The following AKAP13 variants were observed in gnomAD, a reference collection of about 807,000 sequenced individuals.
The protein encoded by AKAP13 is A-kinase anchoring protein 13, also known as A-kinase anchor protein 13.
AKAP13 carries 80 observed loss-of-function variants against 264.5 expected under a neutral mutation model. That is an observed-to-expected ratio of 0.30 (90% CI 0.25 to 0.36). The LOEUF is 0.36. AKAP13 is among the 10% of genes least tolerant of loss of function. The pLI is 1.00. For synonymous variants in AKAP13, 1,380 were observed against 1,250.2 expected, an observed-to-expected ratio of 1.10 and a Z score of -2.19; for missense variants, 3,712 against 3,435.2, an observed-to-expected ratio of 1.08 and a Z score of -2.01.
rs1191337013 is a variant in AKAP13, at chr15:85,748,664, G to C, written c.*3987G>C. The C allele has an allele frequency of 6.6e-6, 1 of 152,020 alleles. No homozygotes were observed. Among genetic ancestry groups the C allele is most frequent in the African/African-American group, 2.4e-5 (1 of 41,368 alleles). 9.4% of individuals were successfully genotyped at this position (152,020 alleles called of 1,614,324 possible). On this transcript the variant is annotated 3_prime_UTR_variant, in exon 37 of 37. Coordinates refer to ENST00000394518, the MANE Select transcript of AKAP13 (RefSeq NM_007200.5). ...ATAAAAGGGAGGCGGGGGGGAGGAA[G>C]GGAAAATAAAGGCATCTTTCCAAGT...
At chr15:85,433,857 C>G (rs1023365139) in intron 1 of AKAP13, among the ~76,000 whole-genome samples, 1 of 151,998 alleles carries the variant, frequency 6.6e-6, no homozygotes, top group African/African-American at 2.4e-5. Flanking sequence ...AGGAGAATCA[C>G]TTGAACCCGG....
Position 85,384,146 on chromosome 15 carries a change from T to A in AKAP13, c.-12+3348T>A, listed in dbSNP as rs576888339. ...GATTATAGTAAACCTTTAAAAATTA[T>A]ATTTGATCAAACTTACAGATTGAGG... is the stretch of plus-strand genomic sequence containing the variant. On this transcript the variant is annotated intron_variant, in intron 1 of 36. Transcript: ENST00000394518. Among the ~76,000 whole-genome samples, 4 of 152,362 alleles carry A rather than the reference T, an allele frequency of 2.6e-5. No individual in the cohort carries two copies. In the South Asian group the frequency reaches 8.3e-4, roughly 32 times the overall value.
Position 85,718,851 on chromosome 15 carries a change from G to A in AKAP13, c.6002-225G>A. ...GGAGGTTGAGGCTGCAATGAGCCAT[G>A]ACTTCAGCCTGCACTTCAGCCTGGG... On this transcript the variant is annotated intron_variant, in intron 22 of 36. Transcript: ENST00000394518. The surrounding 1 kb of genome is among the most constrained non-coding windows in gnomAD (Gnocchi z 4.9). 1.9e-6 allele frequency: 1 copy of A among 516,344 alleles called. No individual in the cohort carries two copies. Among genetic ancestry groups the A allele is most frequent in the Non-Finnish European group, 3.4e-6 (1 of 294,138 alleles). The allele number at this position is 516,344 out of a possible 1,614,324, so 32.0% of individuals were successfully genotyped here.
chr15:85,679,138 G>A (rs1025488057), intron 14 of AKAP13, among the ~76,000 whole-genome samples: 1 of 152,040 alleles, frequency 6.6e-6, no homozygotes, highest in African/African-American at 2.4e-5. Flanking sequence ...CTATTCAGGA[G>A]GCTGAGGTAG....
intron 1 of AKAP13, among the ~76,000 whole-genome samples, chr15:85,390,488 A>G (rs146912732): frequency 6.6e-6 from 1 of 152,242 alleles, no homozygotes; most frequent in Non-Finnish European, 1.5e-5. Context: ...GTGAGGAGAT[A>G]AGGTTTGTAT....
rs566926722 is a variant in AKAP13 at position 85,645,780 on chromosome 15, T to G, written c.4238-38T>G. Reference sequence around the variant, plus strand: ...TTTTGTTTTTTGGTTTTTTTGTTTTTTTTTTTTCAATATTGGTGAATAAAT... The same window carrying G: ...TTTTGTTTTTTGGTTTTTTTGTTTTGTTTTTTTCAATATTGGTGAATAAAT... On this transcript the variant is annotated intron_variant, in intron 9 of 36. Transcript: ENST00000394518. 1,248 of 1,541,362 alleles carry G rather than the reference T, an allele frequency of 8.1e-4. 22 individuals are homozygous for G. In the South Asian group the frequency reaches 0.014, roughly 18 times the overall value.
At chr15:85,424,922 A>C (rs2072697923) in intron 1 of AKAP13, among the ~76,000 whole-genome samples, 1 of 152,218 alleles carries the variant, frequency 6.6e-6, no homozygotes, top group Non-Finnish European at 1.5e-5. Context: ...AAGTTGGTGG[A>C]GCAGTTAGAA....
At position 85,727,073 on chromosome 15, in the gene AKAP13, A is replaced by G. The variant is rs767449981; in HGVS notation, c.6830A>G (p.Lys2277Arg). The G allele has an allele frequency of 6.2e-7, 1 of 1,614,210 alleles. No individual in the cohort carries two copies. Among genetic ancestry groups the G allele is most frequent in the East Asian group, 2.2e-5 (1 of 44,894 alleles). Residue 2277 changes from lysine (K) to arginine (R), a missense_variant, in exon 28 of 37, where the codon AAG (lysine) becomes AGG (arginine). Physicochemically the swap from Lys to Arg is conservative, Grantham distance 26. Around this residue, in one of 3 missense-constraint regions of AKAP13, gnomAD observed 342 missense variants for 484.3 expected, o/e 0.71. Coordinates refer to ENST00000394518, the MANE Select transcript of AKAP13 (RefSeq NM_007200.5). The surrounding 1 kb of genome is among the most constrained non-coding windows in gnomAD (Gnocchi z 5.3). ...CCTCTTCCCTTTTTCCAGGACCAGA[A>G]GTCAACAGTGATCTCTTTAAAGAAG... ...QKYIFASLDQ[K>R]STVISLKKLI...
intron 13 of AKAP13, among the ~76,000 whole-genome samples, chr15:85,666,587 C>G (rs992158231): frequency 3.3e-5 from 5 of 152,164 alleles, no homozygotes; most frequent in African/African-American, 1.2e-4. Flanking sequence ...CTCACTCTGT[C>G]GCCCATACTG....
chr15:85,389,671 A>T (rs1567033754), intron 1 of AKAP13, among the ~76,000 whole-genome samples: 1 of 152,256 alleles, frequency 6.6e-6, no homozygotes, highest in Admixed American at 6.5e-5. Context: ...TAGCTCAGCC[A>T]TTGCTTTGTG....
At chr15:85,600,422 T>A (rs2080006867) in intron 8 of AKAP13, among the ~76,000 whole-genome samples, 1 of 151,618 alleles carries the variant, frequency 6.6e-6, no homozygotes, top group Non-Finnish European at 1.5e-5. Flanking sequence ...ATAGCACAAA[T>A]CTAAATAAAT....
chr15:85,669,499 A>C (rs1157624877), intron 13 of AKAP13, among the ~76,000 whole-genome samples: 1 of 152,210 alleles, frequency 6.6e-6, no homozygotes, highest in Non-Finnish European at 1.5e-5. Context: ...TACAGATGAG[A>C]AAACTAAGCC....
chr15:85,545,036 G>A (rs1183733268), intron 5 of AKAP13, among the ~76,000 whole-genome samples: 1 of 152,248 alleles, frequency 6.6e-6, no homozygotes, highest in East Asian at 1.9e-4. Flanking sequence ...TCCCCATCAC[G>A]CTAGACAGAC....
At chr15:85,630,973 A>G (rs415943) in intron 8 of AKAP13, among the ~76,000 whole-genome samples, 95,755 of 151,834 alleles carry the variant, frequency 0.63, 30,368 homozygotes, top group Middle Eastern at 0.73. Flanking sequence ...GAATGTTCAT[A>G]GCAGCATCAT....
intron 2 of AKAP13, among the ~76,000 whole-genome samples, chr15:85,493,613 A>G (rs976019760): frequency 1.3e-5 from 2 of 152,230 alleles, no homozygotes; most frequent in Admixed American, 1.3e-4. Flanking sequence ...CGTACTAGAA[A>G]TAGTGCCTAT....
At chr15:85,721,944 T>C (rs1190080010) in intron 23 of AKAP13, 47 bp from the exon 24 acceptor site, 2 of 1,607,902 alleles carry the variant, frequency 1.2e-6, no homozygotes, top group Admixed American at 1.7e-5. Flanking sequence ...AATGGTATTA[T>C]GAGTTTGGCG....
chr15:85,393,788 T>G (rs1180313453), intron 1 of AKAP13, among the ~76,000 whole-genome samples: 1 of 152,188 alleles, frequency 6.6e-6, no homozygotes, highest in East Asian at 1.9e-4. Context: ...TAACTCTAGT[T>G]TTATTATATA....
chr15:85,538,950 C>G (rs893023226), intron 4 of AKAP13, among the ~76,000 whole-genome samples: 2 of 151,354 alleles, frequency 1.3e-5, no homozygotes, highest in African/African-American at 4.9e-5. Flanking sequence ...CCTGCCTCAG[C>G]CTCTTGAGTA....
Position 85,647,224 on chromosome 15 carries a change from C to T in AKAP13, c.4374+1270C>T, listed in dbSNP as rs187818823. ...GACCAGCCTGGAAATGGTGAAAACC[C>T]GTCTCTACTAAAAATACAAAAAAAT... On this transcript the variant is annotated intron_variant, in intron 10 of 36. Transcript: ENST00000394518. Among the ~76,000 whole-genome samples, 35 of 152,124 alleles carry T rather than the reference C, an allele frequency of 2.3e-4. 1 individual carries two copies. The East Asian group carries it at 3.5e-3, about 15-fold the overall frequency.
Sources: gnomAD v4.1 joint callset for allele counts (sites outside exome capture counted in the v4.1 genomes callset) on GRCh38, gnomAD v4.1.1 for gene constraint, gnomAD v4.1.1 regional missense constraint, Gnocchi (gnomAD v3.1) non-coding constraint, MANE v1.5 for transcripts, NCBI Gene and HGNC (gene_info 2026-07-23, HGNC 2026-07-21) for gene names.